Variants in MED13L observed in about 807,000 individuals in gnomAD.
MED13L encodes the protein mediator of RNA polymerase II transcription subunit 13-like.
MED13L carries 7 observed loss-of-function variants against 220.9 expected under a neutral mutation model. That is an observed-to-expected ratio of 0.03 (90% CI 0.02 to 0.06). MED13L has a LOEUF of 0.06. Ranked by LOEUF, MED13L falls within the 10% of genes least tolerant of loss-of-function variation. MED13L has a pLI of 1.00. For synonymous variants in MED13L, 1,011 were observed against 1,015.2 expected (o/e 1.00, Z 0.08); for missense variants, 1,965 against 2,760.5 (o/e 0.71, Z 6.46).
chr12:116,004,681 TTAAAC>T (rs1445748204), intron 13 of MED13L, among the ~76,000 whole-genome samples: 1 of 144,944 alleles, frequency 6.9e-6, no homozygotes. Context: ...CATTCCACAC[TTAAAC>T]TAATGTCCCT....
chr12:115,997,417 G>A (rs997415870), intron 14 of MED13L, among the ~76,000 whole-genome samples, 187 bp from the exon 15 acceptor site: 1 of 151,932 alleles, frequency 6.6e-6, no homozygotes, highest in African/African-American at 2.4e-5. Flanking sequence ...TCTTTTTCTG[G>A]GTCTTGTTTT....
In MED13L at chr12:116,007,546, T is replaced by C. The variant is rs750873330; in HGVS notation, c.2103A>G (p.Leu701=). ...QPLHFLDPLP[L]SQQPGDSLGE... is the part of the protein sequence containing the mutation. Reference sequence around the variant, plus strand: ...CCAAACTGTCTCCAGGTTGTTGTGATAGAGGCAATGGGTCAAGGAAGTGGA... The same window carrying C: ...CCAAACTGTCTCCAGGTTGTTGTGACAGAGGCAATGGGTCAAGGAAGTGGA... The change falls in exon 11 of 31, where the codon CTA becomes CTG. Residue 701 remains leucine (L), a synonymous_variant. Coordinates refer to ENST00000281928, the MANE Select transcript of MED13L (RefSeq NM_015335.5). 3.7e-6 allele frequency: 6 copies of C among 1,611,994 alleles called. No individual in the cohort carries two copies. Among genetic ancestry groups the C allele is most frequent in the South Asian group, 1.1e-5 (1 of 91,052 alleles).
At chr12:116,103,999 CTTTTTTTTTTTTTTTTT>C (rs36066243) in intron 3 of MED13L, among the ~76,000 whole-genome samples, 1 of 57,418 alleles carries the variant, frequency 1.7e-5, no homozygotes, top group Non-Finnish European at 3.0e-5. Context: ...GGACATTGCT[CTTTTTTTTTTTTTTTTT>C]TTTTTTTTTT....
chr12:116,013,027 G>A, intron 8 of MED13L, 126 bp from the exon 9 acceptor site: 2 of 723,848 alleles, frequency 2.8e-6, no homozygotes, highest in East Asian at 2.7e-5. Context: ...GTAGTTCAGA[G>A]CAACCAATGA....
intron 28 of MED13L, among the ~76,000 whole-genome samples, chr12:115,967,109 T>C (rs1876221648): frequency 7.5e-6 from 1 of 133,960 alleles, no homozygotes. Context: ...AGGCAAAGGT[T>C]GCAGTGAGCC....
intron 1 of MED13L, among the ~76,000 whole-genome samples, chr12:116,269,537 G>C (rs906561758): frequency 2.0e-5 from 3 of 147,522 alleles, no homozygotes; most frequent in African/African-American, 7.5e-5. Flanking sequence ...TCCTTTAACA[G>C]TAATGGAGGC....
intron 13 of MED13L, among the ~76,000 whole-genome samples, chr12:116,004,727 A>G (rs530538227): frequency 1.3e-5 from 2 of 152,214 alleles, no homozygotes; most frequent in African/African-American, 4.8e-5. Context: ...CCTTCTTTCC[A>G]TATTTCAAGT....
At chr12:116,153,893 A>G (rs985391207) in intron 2 of MED13L, among the ~76,000 whole-genome samples, 1 of 152,148 alleles carries the variant, frequency 6.6e-6, no homozygotes, top group African/African-American at 2.4e-5. Context: ...AACTGACAAC[A>G]TTCAGATAAC....
chr12:116,001,591 C>G (rs188733137), intron 14 of MED13L, among the ~76,000 whole-genome samples: 295 of 152,274 alleles, frequency 1.9e-3, no homozygotes, highest in Non-Finnish European at 3.1e-3. Flanking sequence ...GGAGGAAATA[C>G]TGTGTGTTCC....
At chr12:116,114,036 T>A (rs1012520880) in intron 2 of MED13L, among the ~76,000 whole-genome samples, 1 of 152,144 alleles carries the variant, frequency 6.6e-6, no homozygotes, top group African/African-American at 2.4e-5. Context: ...TCAGCGTGCA[T>A]CAAATCATAT....
rs1167862759 is a variant in MED13L, at chr12:116,276,813, A to G, written c.72+247T>C. ...CAGAATCCGCAGCTCCGAGACTTCCACATGCAAATTCCACGCCGAGCGCCG... is the reference window on the plus strand; with the variant it reads ...CAGAATCCGCAGCTCCGAGACTTCCGCATGCAAATTCCACGCCGAGCGCCG... On this transcript the variant is annotated intron_variant, in intron 1 of 30. Coordinates refer to ENST00000281928, the MANE Select transcript of MED13L (RefSeq NM_015335.5). 8 of 1,171,480 alleles carry G rather than the reference A, an allele frequency of 6.8e-6. No homozygotes were observed. In the East Asian group the frequency reaches 2.4e-4, roughly 35 times the overall value. The allele number at this position is 1,171,480 out of a possible 1,614,324, so 72.6% of individuals were successfully genotyped here.
rs189771321 is a variant in MED13L at position 116,060,692 on chromosome 12, T to C, written c.479+35977A>G. ...GTACTACTTTGGGTTAAAAACAGTA[T>C]TAAAAATTGGAGAAATATTTTAAGG... On this transcript the variant is annotated intron_variant, in intron 4 of 30. Transcript: ENST00000281928. 3.2e-3 allele frequency among the ~76,000 whole-genome samples: 484 copies of C among 152,274 alleles called. 3 individuals carry two copies. Among genetic ancestry groups the C allele is most frequent in the Middle Eastern group, 0.014 (4 of 294 alleles).
intron 28 of MED13L, among the ~76,000 whole-genome samples, chr12:115,967,425 G>C (rs1876260158): frequency 6.6e-6 from 1 of 152,048 alleles, no homozygotes; most frequent in Admixed American, 6.6e-5. Flanking sequence ...AAGGCCACCT[G>C]GCTAGCTTCA....
At position 116,029,902 on chromosome 12, in the gene MED13L, C is replaced by G. The variant is rs972715278; in HGVS notation, c.480-7301G>C. On this transcript the variant is annotated intron_variant, in intron 4 of 30. Coordinates refer to ENST00000281928, the MANE Select transcript of MED13L (RefSeq NM_015335.5). ...CAAAAATTGAATACATAACAAGACA[C>G]AAGACATCATTTCAAAGAAATGATG... Among the ~76,000 whole-genome samples the G allele has an allele frequency of 2.0e-5, 3 of 152,178 alleles. No individual in the cohort carries two copies. In the South Asian group the frequency reaches 6.2e-4, roughly 32 times the overall value.
At chr12:116,135,487 A>G (rs1876459045) in intron 2 of MED13L, among the ~76,000 whole-genome samples, 3 of 152,196 alleles carry the variant, frequency 2.0e-5, no homozygotes, top group Admixed American at 1.3e-4. Flanking sequence ...TCGAGACATC[A>G]CAGTGCTGAA....
At chr12:116,004,313 C>CA (rs1436582457) in intron 13 of MED13L, among the ~76,000 whole-genome samples, 2 of 152,142 alleles carry the variant, frequency 1.3e-5, no homozygotes, top group Non-Finnish European at 2.9e-5. Flanking sequence ...TAGTCAAATT[C>CA]AATGCCTGGA....
chr12:116,086,853 A>C (rs1002890788), intron 4 of MED13L, among the ~76,000 whole-genome samples: 3 of 152,226 alleles, frequency 2.0e-5, no homozygotes, highest in Non-Finnish European at 2.9e-5. Flanking sequence ...CAATGCTAGT[A>C]AACACCATAT....
chr12:116,203,378 T>C (rs1054978353), intron 2 of MED13L, among the ~76,000 whole-genome samples: 1 of 151,982 alleles, frequency 6.6e-6, no homozygotes, highest in African/African-American at 2.4e-5. Context: ...ACAGTAACTT[T>C]TCTGAAGCTT....
chr12:116,263,800 T>C lies in MED13L; in HGVS notation c.72+13260A>G, dbSNP rs371304962. On this transcript the variant is annotated intron_variant, in intron 1 of 30. Transcript: ENST00000281928. The stretch of plus-strand genomic sequence containing the variant: ...CACAACACAGAATTCTACTCTACCC[T>C]TAGGATAATTTGCCTTGATCCTCAA... Among the ~76,000 whole-genome samples, 14 of 152,292 alleles carry C rather than the reference T, an allele frequency of 9.2e-5. No homozygotes were observed. The South Asian group carries it at 1.5e-3, about 16-fold the overall frequency.
Sources: gnomAD v4.1 joint callset for allele counts (sites outside exome capture counted in the v4.1 genomes callset) on GRCh38, gnomAD v4.1.1 for gene constraint, MANE v1.5 for transcripts, NCBI Gene and HGNC (gene_info 2026-07-23, HGNC 2026-07-21) for gene names.